Variants in FNBP1 observed in about 807,000 individuals in gnomAD.
The protein encoded by FNBP1 is formin-binding protein 1.
In FNBP1, 26 loss-of-function variants were observed where a neutral mutation model predicts 90.6. The observed-to-expected ratio is 0.29, with a 90% CI of 0.21 to 0.40. FNBP1 has a LOEUF of 0.40. Among genes scored for constraint, FNBP1 ranks in the 10% least tolerant of loss-of-function variants. The pLI is 1.00. For synonymous variants in FNBP1, 260 were observed against 265.2 expected (o/e 0.98, Z 0.19); for missense variants, 635 against 768.0 (o/e 0.83, Z 2.05).
intron 11 of FNBP1, among the ~76,000 whole-genome samples, chr9:129,911,625 C>T (rs1234845738): frequency 1.3e-5 from 2 of 152,132 alleles, no homozygotes; most frequent in Admixed American, 6.6e-5. Flanking sequence ...TAATAATATC[C>T]TTTGTAATAA....
chr9:129,995,801 GT>G (rs1242965836), intron 1 of FNBP1, among the ~76,000 whole-genome samples: 6 of 152,142 alleles, frequency 3.9e-5, no homozygotes, highest in Non-Finnish European at 8.8e-5. Context: ...GGGAAGTGGA[GT>G]TGGCGAGTGA....
chr9:129,908,994 T>C lies in FNBP1; in HGVS notation c.1191A>G (p.Ala397=). Residue 397 remains alanine (A), a synonymous_variant, in exon 12 of 17, where the codon GCA becomes GCG. Transcript: ENST00000446176. ...GGAGGTTGCTGAAATCCTCCGGTGT[T>C]GCACCCTGCAGACACAAATATAAAT... ...LKRGLSLKLG[A]TPEDFSNLPP... is the part of the protein sequence containing the mutation. The C allele has an allele frequency of 6.2e-7, 1 of 1,609,040 alleles. No homozygotes were observed. Among genetic ancestry groups the C allele is most frequent in the African/African-American group, 1.3e-5 (1 of 74,952 alleles).
At chr9:130,040,637 A>AAG in intron 1 of FNBP1, among the ~76,000 whole-genome samples, 1 of 151,918 alleles carries the variant, frequency 6.6e-6, no homozygotes, top group South Asian at 2.1e-4. Flanking sequence ...AAAAAAAAAA[A>AAG]AAAAGAATGT....
intron 4 of FNBP1, among the ~76,000 whole-genome samples, chr9:129,967,927 G>A (rs1386781634): frequency 2.0e-5 from 3 of 151,724 alleles, no homozygotes; most frequent in Non-Finnish European, 1.5e-5. Context: ...GGCTGGTCTT[G>A]AACTCCCCGG....
intron 5 of FNBP1, among the ~76,000 whole-genome samples, chr9:129,958,238 C>G (rs1297350940): frequency 1.3e-5 from 2 of 152,048 alleles, no homozygotes; most frequent in African/African-American, 4.8e-5. Flanking sequence ...TCAAGACCAC[C>G]CTGGCCAACA....
rs2048599386 is a variant in FNBP1, at chr9:129,966,118, G to C, written c.346-7565C>G. On this transcript the variant is annotated intron_variant, in intron 4 of 16. Transcript: ENST00000446176. This position sits in a 1 kb window ranked among gnomAD's most constrained non-coding sequence, Gnocchi z 4.3. ...TGAAACTGAGTGGATCCAGAAGTAA[G>C]ACAAACAGGGTAAAGGAATAAGGAG... is the stretch of plus-strand genomic sequence containing the variant. 6.6e-6 allele frequency among the ~76,000 whole-genome samples: 1 copy of C among 152,196 alleles called. No individual in the cohort carries two copies. The highest frequency in any genetic ancestry group is 2.1e-4 in the South Asian group (1 of 4,830).
In FNBP1 at chr9:129,901,886, T is replaced by C. The variant is rs745394520; in HGVS notation, c.1428+983A>G. Reference sequence around the variant, plus strand: ...GAGATCACGCTACTACACTCCAGCCTGGGCAACAGGGCGAGACTTCATCTC... The same window carrying C: ...GAGATCACGCTACTACACTCCAGCCCGGGCAACAGGGCGAGACTTCATCTC... On this transcript the variant is annotated intron_variant, in intron 13 of 16. Coordinates refer to ENST00000446176, the MANE Select transcript of FNBP1 (RefSeq NM_015033.3). 2.6e-5 allele frequency among the ~76,000 whole-genome samples: 4 copies of C among 152,316 alleles called. No homozygotes were observed. The East Asian group carries it at 5.8e-4, about 22-fold the overall frequency.
At chr9:130,013,617 T>A (rs1411116419) in intron 1 of FNBP1, 4 of 437,994 alleles carry the variant, frequency 9.1e-6, no homozygotes, top group African/African-American at 8.1e-5. Context: ...TAACTCTTGC[T>A]CATGTGCACC....
chr9:129,976,865 G>C (rs978354672), intron 4 of FNBP1, among the ~76,000 whole-genome samples: 5 of 151,540 alleles, frequency 3.3e-5, no homozygotes. Flanking sequence ...TATCCCCAGG[G>C]CATTAAAAGA....
At chr9:129,899,347 G>C (rs1489796251) in intron 15 of FNBP1, among the ~76,000 whole-genome samples, 1 of 151,854 alleles carries the variant, frequency 6.6e-6, no homozygotes, top group Non-Finnish European at 1.5e-5. Flanking sequence ...CAAAGTTCTA[G>C]GATTACAGGT....
At chr9:130,007,276 A>G (rs1182768727) in intron 1 of FNBP1, among the ~76,000 whole-genome samples, 2 of 150,918 alleles carry the variant, frequency 1.3e-5, no homozygotes, top group African/African-American at 4.9e-5. Flanking sequence ...AAAAGAATGC[A>G]GAAAGACACA....
intron 1 of FNBP1, among the ~76,000 whole-genome samples, chr9:130,025,305 ATTG>A (rs2058240174): frequency 6.6e-6 from 1 of 152,180 alleles, no homozygotes; most frequent in African/African-American, 2.4e-5. Flanking sequence ...CACTTTTTGA[ATTG>A]TTGAACCCTT....
chr9:130,012,871 C>T (rs1318123967), intron 1 of FNBP1, among the ~76,000 whole-genome samples: 1 of 152,104 alleles, frequency 6.6e-6, no homozygotes, highest in East Asian at 1.9e-4. Flanking sequence ...GATCTTCTGA[C>T]CTCGTGATCT....
intron 16 of FNBP1, chr9:129,895,273 T>C: frequency 9.5e-7 from 1 of 1,057,394 alleles, no homozygotes; most frequent in Non-Finnish European, 1.1e-6. Flanking sequence ...TTGGTGCCAA[T>C]ATAAGAATCT....
chr9:130,009,479 T>C (rs746050583), intron 1 of FNBP1, among the ~76,000 whole-genome samples: 27 of 151,810 alleles, frequency 1.8e-4, no homozygotes, highest in Non-Finnish European at 2.8e-4. Flanking sequence ...CTGGCCAACA[T>C]GGGCATCTCT....
At chr9:130,047,976 C>T (rs1343992499), upstream of FNBP1, among the ~76,000 whole-genome samples, 1 of 152,000 alleles carries the variant, frequency 6.6e-6, no homozygotes, top group Non-Finnish European at 1.5e-5. Context: ...AGTTGTGTGG[C>T]CTTCTGCAAG....
At chr9:129,899,720 C>A (rs1407171713) in intron 15 of FNBP1, among the ~76,000 whole-genome samples, 2 of 141,300 alleles carry the variant, frequency 1.4e-5, no homozygotes, top group Non-Finnish European at 3.0e-5. Context: ...GAGAGCGAGA[C>A]CCTGTATGAA....
intron 11 of FNBP1, 62 bp from the exon 12 acceptor site, chr9:129,909,061 A>C: frequency 8.6e-7 from 1 of 1,162,494 alleles, no homozygotes; most frequent in Non-Finnish European, 1.3e-6. Flanking sequence ...AAGAAGGCTG[A>C]AAGCAAAGCC....
intron 1 of FNBP1, among the ~76,000 whole-genome samples, chr9:130,033,159 AACCT>A (rs1312672370): frequency 6.6e-6 from 1 of 152,160 alleles, no homozygotes; most frequent in Non-Finnish European, 1.5e-5. Context: ...TTCATCCAAC[AACCT>A]CAAAGTACTT....
Sources: allele counts gnomAD v4.1 joint callset (sites outside exome capture counted in the v4.1 genomes callset), GRCh38; gene constraint gnomAD v4.1.1; non-coding constraint Gnocchi (gnomAD v3.1); transcripts MANE v1.5; gene names NCBI Gene and HGNC (gene_info 2026-07-23, HGNC 2026-07-21).